The following LGI1 variants were observed in gnomAD, a reference collection of about 807,000 sequenced individuals.
LGI1 encodes leucine rich glioma inactivated 1.
LGI1 carries 11 observed loss-of-function variants against 57.7 expected under a neutral mutation model. The ratio of observed to expected loss-of-function variants is 0.19; its 90% CI spans 0.12 to 0.32. The LOEUF (loss-of-function observed/expected upper bound fraction) is 0.32, where lower values mean the gene tolerates loss of function less well. Among genes scored for constraint, LGI1 ranks in the 10% least tolerant of loss-of-function variants. The probability of loss-of-function intolerance (pLI) is 1.00; values close to 1 mark genes in which losing one functional copy is unlikely to be tolerated. For missense variants in LGI1, 422 were observed against 661.9 expected (o/e 0.64, Z 3.98); for synonymous variants, 222 against 241.9 (o/e 0.92, Z 0.76).
intron 2 of LGI1, among the ~76,000 whole-genome samples, chr10:93,776,260 C>T (rs940650056): frequency 1.3e-5 from 2 of 152,072 alleles, no homozygotes; most frequent in Non-Finnish European, 2.9e-5. Flanking sequence ...TCCTACCCCC[C>T]ATTCTCCACA....
At chr10:93,791,618 G>T (rs1264509654) in intron 5 of LGI1, 1 of 152,100 alleles carries the variant, frequency 6.6e-6, no homozygotes, top group Non-Finnish European at 1.5e-5. Flanking sequence ...AAATGTTTGG[G>T]CGTTTAAAAA....
intron 2 of LGI1, chr10:93,763,864 T>C (rs2059647781): frequency 6.6e-6 from 1 of 152,220 alleles, no homozygotes; most frequent in Non-Finnish European, 1.5e-5. Flanking sequence ...CCGACTAGTC[T>C]GTCCTGGGAA....
At chr10:93,794,459 G>A (rs2134023209) in intron 7 of LGI1, 1 of 151,058 alleles carries the variant, frequency 6.6e-6, no homozygotes, top group Non-Finnish European at 1.5e-5. Flanking sequence ...AGCCTCCTGG[G>A]TTCAAGCGAT....
intron 4 of LGI1, among the ~76,000 whole-genome samples, chr10:93,781,393 A>ATG (rs2059846984): frequency 6.6e-6 from 1 of 151,830 alleles, no homozygotes; most frequent in Non-Finnish European, 1.5e-5. Flanking sequence ...AAATAAATAT[A>ATG]AAAAAGTTAT....
At chr10:93,767,378 G>T (rs1564840988) in intron 2 of LGI1, 1 of 152,118 alleles carries the variant, frequency 6.6e-6, no homozygotes, top group African/African-American at 2.4e-5. Flanking sequence ...AATAAATTTG[G>T]GAAACTGCAC....
intron 2 of LGI1, chr10:93,769,254 T>C (rs941318307): frequency 2.6e-5 from 4 of 152,234 alleles, no homozygotes; most frequent in Admixed American, 1.3e-4. Context: ...TGTCCCTCCA[T>C]ATCTTCCAAC....
In LGI1 at chr10:93,793,147, T is replaced by C. The variant is rs751010043; in HGVS notation, c.674-39T>C. ...TTTAAGATCTAGCCAAGGAAAGAGG[T>C]ATTAGCTCACAGTTACTTATTATTT... On this transcript the variant is annotated intron_variant, in intron 6 of 7. Coordinates refer to ENST00000371418, the MANE Select transcript of LGI1 (RefSeq NM_005097.4). 3 of 1,519,200 alleles carry C rather than the reference T, an allele frequency of 2.0e-6. No individual in the cohort carries two copies. In the South Asian group the frequency reaches 3.4e-5, roughly 17 times the overall value. 94.1% of individuals were successfully genotyped at this position (1,519,200 alleles called of 1,614,324 possible). A position where few individuals can be genotyped will look rare whatever the true frequency, so the allele number is the denominator to read the frequency against.
intron 2 of LGI1, chr10:93,768,507 C>G (rs1363954858): frequency 6.6e-6 from 1 of 152,150 alleles, no homozygotes; most frequent in African/African-American, 2.4e-5. Flanking sequence ...CCTTGATGTT[C>G]CAGGACTGGG....
rs772750463 is a variant in LGI1 at position 93,758,819 on chromosome 10, C to T, written c.275C>T (p.Ser92Leu). 8 of 1,609,302 alleles carry T rather than the reference C, an allele frequency of 5.0e-6. No individual in the cohort carries two copies. The highest frequency in any genetic ancestry group is 4.0e-5 in the African/African-American group (3 of 74,782). ...GAAGGGAGTTTTTTATTCACGCCAT[C>T]GCTGCAGCTCTTGTGAGAAATATTT... Reference protein sequence around the residue: ...ISEGSFLFTPSLQLLLFTSNS... With the variant: ...ISEGSFLFTPLLQLLLFTSNS... The change falls in exon 2 of 8, where the codon TCG becomes TTG. Residue 92 changes from serine to leucine, a missense_variant. By Grantham distance (145) the Ser-to-Leu change is moderately radical. This residue lies in a region of LGI1 where 63 missense variants were observed against 138.4 expected (regional missense o/e 0.46). Coordinates refer to ENST00000371418, the MANE Select transcript of LGI1 (RefSeq NM_005097.4). The surrounding 1 kb of genome is among the most constrained non-coding windows in gnomAD (Gnocchi z 4.7).
chr10:93,777,098 C>T (rs991920712), intron 2 of LGI1: 2 of 542,678 alleles, frequency 3.7e-6, no homozygotes, highest in Non-Finnish European at 6.6e-6. Flanking sequence ...GCTGCTTTGG[C>T]TATCATAGCT....
At chr10:93,762,106 G>C (rs1199732671) in intron 2 of LGI1, among the ~76,000 whole-genome samples, 1 of 152,186 alleles carries the variant, frequency 6.6e-6, no homozygotes, top group Non-Finnish European at 1.5e-5. Context: ...ATTCCCGAGA[G>C]TGTTCTATTT....
chr10:93,762,448 G>A (rs2133980152), intron 2 of LGI1: 1 of 152,274 alleles, frequency 6.6e-6, no homozygotes, highest in East Asian at 1.9e-4. Context: ...AATATGATCT[G>A]TCCAGGAAAA....
At chr10:93,790,023 C>T in intron 4 of LGI1, 76 bp from the exon 5 acceptor site, 1 of 1,386,874 alleles carries the variant, frequency 7.2e-7, no homozygotes, top group Non-Finnish European at 9.9e-7. Context: ...AGAGACTCAT[C>T]ACTAAGCTTT....
intron 2 of LGI1, among the ~76,000 whole-genome samples, chr10:93,762,228 C>T (rs557591674): frequency 6.6e-6 from 1 of 152,210 alleles, no homozygotes; most frequent in East Asian, 1.9e-4. Flanking sequence ...CTTAGTATTC[C>T]AATTGGATGT....
At chr10:93,763,285 CACACACACACAG>C (rs2059642088) in intron 2 of LGI1, 4 of 78,346 alleles carry the variant, frequency 5.1e-5, no homozygotes, top group Non-Finnish European at 8.8e-5. Flanking sequence ...CACAGACACA[CACACACACACAG>C]ACACACACAC....
rs140752487 is a variant in LGI1 at position 93,793,324 on chromosome 10, C to T, written c.812C>T (p.Thr271Ile). The T allele has an allele frequency of 5.1e-5, 83 of 1,613,768 alleles. No individual in the cohort carries two copies. The highest frequency in any genetic ancestry group is 6.6e-5 in the Non-Finnish European group (78 of 1,179,878). Residue 271 changes from threonine (T) to isoleucine (I), a missense_variant, in exon 7 of 8, where the codon ACC becomes ATC. This residue lies in a region of LGI1 where 301 missense variants were observed against 461.7 expected (regional missense o/e 0.65). Transcript: ENST00000371418. Reference sequence around the variant, plus strand: ...CTTGAATGGGACCATGTGGAAAAGACCTTCCGGAATTATGACAACATTACA... The same window carrying T: ...CTTGAATGGGACCATGTGGAAAAGATCTTCCGGAATTATGACAACATTACA... ...IFLEWDHVEK[T>I]FRNYDNITGT...
At chr10:93,772,883 T>C (rs1054161013) in intron 2 of LGI1, 2 of 151,910 alleles carry the variant, frequency 1.3e-5, no homozygotes, top group Non-Finnish European at 2.9e-5. Context: ...AAGACCAGCC[T>C]GGGCAGCATG....
chr10:93,765,021 A>G (rs956312055), intron 2 of LGI1: 13 of 152,228 alleles, frequency 8.5e-5, no homozygotes, highest in African/African-American at 2.9e-4. Context: ...TTTCTTCCTC[A>G]TGAATAAAAT....
intron 2 of LGI1, among the ~76,000 whole-genome samples, chr10:93,766,315 T>C (rs2059677712): frequency 6.6e-6 from 1 of 152,162 alleles, no homozygotes; most frequent in Non-Finnish European, 1.5e-5. Context: ...CTAGAATGTA[T>C]ACATACAAAT....
Sources: gnomAD v4.1 joint callset for allele counts (sites outside exome capture counted in the v4.1 genomes callset) on GRCh38, gnomAD v4.1.1 for gene constraint, gnomAD v4.1.1 regional missense constraint, Gnocchi (gnomAD v3.1) non-coding constraint, MANE v1.5 for transcripts, NCBI Gene and HGNC (gene_info 2026-07-23, HGNC 2026-07-21) for gene names.